The following ZNF536 variants were observed in gnomAD, a reference collection of about 807,000 sequenced individuals.
The protein encoded by ZNF536 is zinc finger protein 536.
ZNF536 carries 13 observed loss-of-function variants against 84.5 expected under a neutral mutation model. That is an observed-to-expected ratio of 0.15 (90% CI 0.10 to 0.24). The LOEUF is 0.24. ZNF536 is among the 10% of genes least tolerant of loss of function. The pLI is 1.00. For missense variants in ZNF536, 1,536 were observed against 1,747.5 expected, an observed-to-expected ratio of 0.88 and a Z score of 2.16; for synonymous variants, 811 against 742.5, an observed-to-expected ratio of 1.09 and a Z score of -1.50.
chr19:30,263,899 CA>C (rs2025359081), intron 1 of ZNF536, among the ~76,000 whole-genome samples: 4 of 152,030 alleles, frequency 2.6e-5, no homozygotes, highest in Non-Finnish European at 4.4e-5. Context: ...CACACACACA[CA>C]CACCCTACAC....
At chr19:30,565,281 G>T (rs1456253992) in intron 1 of ZNF536, among the ~76,000 whole-genome samples, 1 of 151,970 alleles carries the variant, frequency 6.6e-6, no homozygotes, top group South Asian at 2.1e-4. Context: ...GGTAAGGTCA[G>T]CTGAGTGAAT....
chr19:30,568,222 T>A (rs368433208), intron 1 of ZNF536, among the ~76,000 whole-genome samples: 1 of 152,250 alleles, frequency 6.6e-6, no homozygotes, highest in African/African-American at 2.4e-5. Context: ...ATAAACCCAA[T>A]TTGGTTTTTA....
chr19:30,389,898 A>G (rs1026750157), intron 1 of ZNF536, among the ~76,000 whole-genome samples: 6 of 152,322 alleles, frequency 3.9e-5, no homozygotes, highest in African/African-American at 1.4e-4. Flanking sequence ...TCTCTAGAAA[A>G]AGATTTTTCC....
intron 1 of ZNF536, among the ~76,000 whole-genome samples, chr19:30,407,635 C>T (rs554656311): frequency 1.1e-3 from 163 of 152,322 alleles, no homozygotes; most frequent in African/African-American, 3.8e-3. Flanking sequence ...GAATGGACAT[C>T]CCTGGGTGAT....
chr19:30,632,546 C>A (rs1011674896), intron 1 of ZNF536, among the ~76,000 whole-genome samples: 9 of 152,174 alleles, frequency 5.9e-5, no homozygotes, highest in African/African-American at 2.2e-4. Context: ...GTGGAGGTTG[C>A]AGTGAGGTGA....
At chr19:30,409,806 G>C (rs187536012) in intron 1 of ZNF536, among the ~76,000 whole-genome samples, 6 of 152,038 alleles carry the variant, frequency 3.9e-5, no homozygotes, top group African/African-American at 1.4e-4. Flanking sequence ...GTCTCATTTT[G>C]CTTTTTATTT....
chr19:30,278,883 G>C (rs1442047729), intron 1 of ZNF536, among the ~76,000 whole-genome samples: 1 of 152,132 alleles, frequency 6.6e-6, no homozygotes, highest in Non-Finnish European at 1.5e-5. Context: ...AATAGATCAT[G>C]TTTTTCCTGT....
chr19:30,289,264 G>A (rs2045750421), intron 2 of ZNF536, among the ~76,000 whole-genome samples: 4 of 152,188 alleles, frequency 2.6e-5, no homozygotes, highest in African/African-American at 9.7e-5. Context: ...TATATTTTTA[G>A]CTTCCACTGA....
intron 1 of ZNF536, among the ~76,000 whole-genome samples, chr19:30,687,835 A>ATT (rs112998839): frequency 1.3e-5 from 2 of 151,814 alleles, no homozygotes; most frequent in African/African-American, 2.4e-5. Context: ...TGACCTTTGG[A>ATT]TTTTTTTAAA....
In ZNF536 at chr19:30,332,848, A is replaced by G. The variant is rs2047257620; in HGVS notation, c.-119-19520A>G. Among the ~76,000 whole-genome samples, 4 of 152,340 alleles carry G rather than the reference A, an allele frequency of 2.6e-5. No individual in the cohort carries two copies. In the South Asian group the frequency reaches 8.3e-4, roughly 32 times the overall value. On this transcript the variant is annotated intron_variant, in intron 2 of 5. Coordinates refer to the ZNF536 transcript ENST00000585628. ...GTAATCCCAGCACTTTGGAAGGCCA[A>G]GATGGGAGGATTACTTGAGCCCAGG...
intron 2 of ZNF536, among the ~76,000 whole-genome samples, chr19:30,503,860 A>G (rs11882106): frequency 0.12 from 17,800 of 150,598 alleles, 1,292 homozygotes; most frequent in East Asian, 0.29. Flanking sequence ...ATTTTTATTC[A>G]TTTAGAAATA....
chr19:30,443,497 T>C, intron 1 of ZNF536, 64 bp from the exon 2 acceptor site: 1 of 1,495,230 alleles, frequency 6.7e-7, no homozygotes, highest in Non-Finnish European at 8.9e-7. Flanking sequence ...TGCCCGCCAA[T>C]GCTGTTGATT....
At chr19:30,614,951 T>TAGATCC (rs1375545643) in intron 1 of ZNF536, among the ~76,000 whole-genome samples, 7 of 58,902 alleles carry the variant, frequency 1.2e-4, no homozygotes, top group African/African-American at 4.0e-4. Context: ...AATTTTTTTT[T>TAGATCC]TTTTTTTTTT....
intron 1 of ZNF536, among the ~76,000 whole-genome samples, chr19:30,440,368 G>A (rs1368896940): frequency 4.6e-5 from 7 of 152,094 alleles, no homozygotes; most frequent in East Asian, 1.9e-4. Context: ...GGACTTGTGC[G>A]AAGGCTGAGG....
At chr19:30,564,398 G>T (rs985393389) in intron 1 of ZNF536, among the ~76,000 whole-genome samples, 2 of 152,080 alleles carry the variant, frequency 1.3e-5, no homozygotes, top group African/African-American at 2.4e-5. Flanking sequence ...AGGAAAGAGT[G>T]GAAGAAATGG....
chr19:30,686,937 T>G lies in ZNF536; in HGVS notation c.170-23820T>G, dbSNP rs193199540. ...ATTAGTTACATTACACTGTGTCTTT[T>G]GATTAATGGAACTTATTTGGAGTAG... On this transcript the variant is annotated intron_variant, in intron 1 of 1. Transcript: ENST00000592773. Among the ~76,000 whole-genome samples the G allele has an allele frequency of 4.6e-5, 7 of 152,350 alleles. No homozygotes were observed. In the East Asian group the frequency reaches 1.4e-3, roughly 29 times the overall value.
intron 1 of ZNF536, among the ~76,000 whole-genome samples, chr19:30,383,646 CT>C (rs879357844): frequency 0.044 from 582 of 13,326 alleles, 5 homozygotes; most frequent in Non-Finnish European, 0.072. Flanking sequence ...TTCTTCCTTC[CT>C]TTCTTTCTCT....
chr19:30,314,896 G>C (rs921204740), intron 2 of ZNF536, among the ~76,000 whole-genome samples: 7 of 151,408 alleles, frequency 4.6e-5, no homozygotes, highest in Non-Finnish European at 1.0e-4. Flanking sequence ...ACCCAGCCCC[G>C]ATCCCCCACC....
intron 1 of ZNF536, among the ~76,000 whole-genome samples, chr19:30,614,281 A>G (rs1024962471): frequency 6.6e-6 from 1 of 152,200 alleles, no homozygotes; most frequent in African/African-American, 2.4e-5. Flanking sequence ...AAAATTAATA[A>G]TAATTGTGGA....
Sources: allele counts gnomAD v4.1 joint callset (sites outside exome capture counted in the v4.1 genomes callset), GRCh38; gene constraint gnomAD v4.1.1; transcripts MANE v1.5; gene names NCBI Gene and HGNC (gene_info 2026-07-23, HGNC 2026-07-21).